Variants in PDE6B observed in about 807,000 individuals in gnomAD.
PDE6B encodes rod cGMP-specific 3',5'-cyclic phosphodiesterase subunit beta.
In PDE6B, 106 loss-of-function variants were observed where a neutral mutation model predicts 109.0. The ratio of observed to expected loss-of-function variants is 0.97; its 90% CI spans 0.83 to 1.14. PDE6B has a LOEUF of 1.14. PDE6B is among the 50% of genes most tolerant of loss of function. The pLI is 0.00. For synonymous variants in PDE6B, 490 were observed against 471.3 expected, an observed-to-expected ratio of 1.04 and a Z score of -0.51; for missense variants, 1,193 against 1,155.6, an observed-to-expected ratio of 1.03 and a Z score of -0.47.
In PDE6B at chr4:633,888, C is replaced by T. The variant is rs757481685; in HGVS notation, c.469-789C>T. On this transcript the variant is annotated intron_variant, in intron 1 of 21. Coordinates refer to ENST00000496514, the MANE Select transcript of PDE6B (RefSeq NM_000283.4). The surrounding 1 kb of genome is among the most constrained non-coding windows in gnomAD (Gnocchi z 4.5). The stretch of plus-strand genomic sequence containing the variant: ...GGGGGTGTCTGGTCTCAGTAACCCT[C>T]GCTGTGTCTGAGCTGAGGCAGAGCT... 6.6e-6 allele frequency among the ~76,000 whole-genome samples: 1 copy of T among 152,124 alleles called. No individual in the cohort carries two copies. The highest frequency in any genetic ancestry group is 1.5e-5 in the Non-Finnish European group (1 of 68,002).
intron 1 of PDE6B, among the ~76,000 whole-genome samples, chr4:629,043 CG>C (rs1261380576): frequency 6.6e-6 from 1 of 152,200 alleles, no homozygotes; most frequent in Admixed American, 6.5e-5. Context: ...TCCCAGAAGG[CG>C]GACACCAGGC....
rs866411052 is a variant in PDE6B at position 656,101 on chromosome 4, G to A, written c.1059+95G>A. On this transcript the variant is annotated intron_variant, in intron 7 of 21. Transcript: ENST00000496514. ...TGTCTCTGCCACGTCCCGCCCTCCC[G>A]GCCAGCTCCACGTGCCTCAGTGAAG... The A allele has an allele frequency of 3.1e-5, 32 of 1,040,850 alleles. No homozygotes were observed. In the Middle Eastern group the frequency reaches 4.0e-3, roughly 131 times the overall value. The allele number at this position is 1,040,850 out of a possible 1,614,324, so 64.5% of individuals were successfully genotyped here.
At chr4:651,348 G>C (rs1431094839) in intron 3 of PDE6B, among the ~76,000 whole-genome samples, 1 of 152,126 alleles carries the variant, frequency 6.6e-6, no homozygotes, top group Non-Finnish European at 1.5e-5. Context: ...GGCCCCAGGG[G>C]TTGGTGGGTC....
In PDE6B at chr4:665,065, C is replaced by G; in HGVS notation, c.2193+121C>G. ...TTGCAAGGAGCTCTGAGGGCCACCT[C>G]GGGGCCAGGCCAGGGCGGCAAGGAT... On this transcript the variant is annotated intron_variant, in intron 18 of 21. Transcript: ENST00000496514. This position sits in a 1 kb window ranked among gnomAD's most constrained non-coding sequence, Gnocchi z 4.0. The G allele has an allele frequency of 4.5e-6, 4 of 896,254 alleles. No individual in the cohort carries two copies. The highest frequency in any genetic ancestry group is 2.6e-5 in the East Asian group (1 of 39,168). The allele number at this position is 896,254 out of a possible 1,614,324, so 55.5% of individuals were successfully genotyped here. A position where few individuals can be genotyped will look rare whatever the true frequency, so the allele number is the denominator to read the frequency against.
At chr4:649,454 G>A (rs374926395) in intron 3 of PDE6B, among the ~76,000 whole-genome samples, 3 of 152,104 alleles carry the variant, frequency 2.0e-5, no homozygotes, top group East Asian at 1.9e-4. Flanking sequence ...CAGTAGGGCC[G>A]AGGCCCGTCC....
chr4:664,905 C>T lies in PDE6B; in HGVS notation c.2154C>T (p.Asp718=), dbSNP rs748726198. ...GGGCCATGATGATGACAGCCTGCGA[C>T]CTGTCTGCCATCACCAAGCCCTGGG... is the stretch of plus-strand genomic sequence containing the variant. ...IVMAMMMTAC[D]LSAITKPWEV... The change falls in exon 18 of 22, where the codon GAC becomes GAT. Residue 718 remains aspartate, a synonymous_variant. Coordinates refer to ENST00000496514, the MANE Select transcript of PDE6B (RefSeq NM_000283.4). 1 of 1,613,340 alleles carries T rather than the reference C, an allele frequency of 6.2e-7. No individual in the cohort carries two copies. The highest frequency in any genetic ancestry group is 8.5e-7 in the Non-Finnish European group (1 of 1,179,956).
chr4:659,056 C>T (rs1214149778), intron 11 of PDE6B, 39 bp downstream of exon 11: 8 of 1,455,928 alleles, frequency 5.5e-6, no homozygotes, highest in Non-Finnish European at 7.7e-6. Flanking sequence ...GGAGGCCGGC[C>T]ACGTGTGAGG....
At chr4:635,639 G>C (rs1170677716) in intron 2 of PDE6B, among the ~76,000 whole-genome samples, 2 of 150,408 alleles carry the variant, frequency 1.3e-5, no homozygotes, top group Non-Finnish European at 3.0e-5. Context: ...GTGCTCATCT[G>C]CACATCGCTG....
Position 626,965 on chromosome 4 carries a change from C to T in PDE6B, c.468+871C>T, listed in dbSNP as rs1048819654. Among the ~76,000 whole-genome samples, 1 of 152,138 alleles carries T rather than the reference C, an allele frequency of 6.6e-6. No individual in the cohort carries two copies. Among genetic ancestry groups the T allele is most frequent in the African/African-American group, 2.4e-5 (1 of 41,428 alleles). ...AAGCCCCTTCTCCCTGTCCTGCACC[C>T]GTCCCAGCTTCCTCTCCCCTTTTCT... On this transcript the variant is annotated intron_variant, in intron 1 of 21. Coordinates refer to ENST00000496514, the MANE Select transcript of PDE6B (RefSeq NM_000283.4). The surrounding 1 kb of genome is among the most constrained non-coding windows in gnomAD (Gnocchi z 4.6).
At chr4:631,336 G>A (rs936729560) in intron 1 of PDE6B, among the ~76,000 whole-genome samples, 9 of 152,234 alleles carry the variant, frequency 5.9e-5, no homozygotes, top group African/African-American at 1.2e-4. Context: ...CAAGAGAAGT[G>A]AGGCTGAACA....
intron 3 of PDE6B, chr4:651,470 CA>C (rs1397580256): frequency 6.5e-6 from 1 of 153,028 alleles, no homozygotes. Flanking sequence ...CTGAGTTCGG[CA>C]GGAGACAGAC....
At chr4:644,456 G>T (rs1379754105) in intron 3 of PDE6B, among the ~76,000 whole-genome samples, 3 of 151,970 alleles carry the variant, frequency 2.0e-5, no homozygotes, top group African/African-American at 7.3e-5. Context: ...AGAAGAATGG[G>T]TATTGTGCTG....
Position 667,900 on chromosome 4 carries a change from A to C in PDE6B, c.2397A>C (p.Arg799=). 1 of 1,613,230 alleles carries C rather than the reference A, an allele frequency of 6.2e-7. No individual in the cohort carries two copies. The highest frequency in any genetic ancestry group is 8.5e-7 in the Non-Finnish European group (1 of 1,179,436). The change falls in exon 21 of 22, where the codon CGA becomes CGC. Residue 799 remains arginine, a synonymous_variant. Transcript: ENST00000496514. ...FHEEILPMFD[R]LQNNRKEWKA... ...AAGAGATCCTGCCCATGTTCGACCG[A>C]CTGCAGAACAATAGGAAAGAGTGGA...
Position 626,288 on chromosome 4 carries a change from G to A in PDE6B, c.468+194G>A, listed in dbSNP as rs573983413. On this transcript the variant is annotated intron_variant, in intron 1 of 21. Coordinates refer to ENST00000496514, the MANE Select transcript of PDE6B (RefSeq NM_000283.4). The surrounding 1 kb of genome is among the most constrained non-coding windows in gnomAD (Gnocchi z 4.6). ...CCCTGGCCGCCTGCCTCTCCGACTC[G>A]GCTTCTGGCTCAAGCTGACATCGCA... Among the ~76,000 whole-genome samples, 31 of 152,186 alleles carry A rather than the reference G, an allele frequency of 2.0e-4. No individual in the cohort carries two copies. Among genetic ancestry groups the A allele is most frequent in the African/African-American group, 7.2e-4 (30 of 41,442 alleles).
At position 665,188 on chromosome 4, in the gene PDE6B, G is replaced by T; in HGVS notation, c.2194-67G>T. The T allele has an allele frequency of 8.4e-7, 1 of 1,196,594 alleles. No individual in the cohort carries two copies. Among genetic ancestry groups the T allele is most frequent in the South Asian group, 1.3e-5 (1 of 78,818 alleles). 74.1% of individuals were successfully genotyped at this position (1,196,594 alleles called of 1,614,324 possible). A position where few individuals can be genotyped will look rare whatever the true frequency, so the allele number is the denominator to read the frequency against. On this transcript the variant is annotated intron_variant, in intron 18 of 21. Coordinates refer to ENST00000496514, the MANE Select transcript of PDE6B (RefSeq NM_000283.4). This position sits in a 1 kb window ranked among gnomAD's most constrained non-coding sequence, Gnocchi z 4.0. ...AGAAGACCGAGGCTCGGAGCCTCAC[G>T]GGGCGGGCCCGGGCCCTTCCGCGTG...
intron 6 of PDE6B, 156 bp from the exon 7 acceptor site, chr4:655,784 C>T (rs996205643): frequency 5.8e-6 from 4 of 695,574 alleles, no homozygotes; most frequent in Non-Finnish European, 1.0e-5. Context: ...TGCACACACA[C>T]GTGCAGCCCA....
At chr4:654,426 C>T (rs1735946328) in intron 5 of PDE6B, 1 of 626,340 alleles carries the variant, frequency 1.6e-6, no homozygotes, top group Non-Finnish European at 2.9e-6. Flanking sequence ...GCTGCCCCAT[C>T]TCCCCACGTG....
intron 20 of PDE6B, among the ~76,000 whole-genome samples, chr4:667,422 AC>A (rs1005957877): frequency 6.6e-6 from 1 of 150,480 alleles, no homozygotes; most frequent in African/African-American, 2.4e-5. Flanking sequence ...TGCCTTCCCC[AC>A]CCCGCCACAC....
intron 3 of PDE6B, among the ~76,000 whole-genome samples, chr4:644,164 G>A (rs969535953): frequency 2.6e-5 from 4 of 151,736 alleles, no homozygotes; most frequent in East Asian, 3.9e-4. Context: ...TGATCTGCCC[G>A]CCTCGGCCTC....
Sources: allele counts gnomAD v4.1 joint callset (sites outside exome capture counted in the v4.1 genomes callset), GRCh38; gene constraint gnomAD v4.1.1; non-coding constraint Gnocchi (gnomAD v3.1); transcripts MANE v1.5; gene names NCBI Gene and HGNC (gene_info 2026-07-23, HGNC 2026-07-21).